Variants in MGST1 observed in about 807,000 individuals in gnomAD.
MGST1 encodes glutathione S-transferase 12.
A neutral mutation model predicts 8.9 loss-of-function variants in MGST1; 5 were observed. The ratio of observed to expected loss-of-function variants is 0.56; its 90% confidence interval spans 0.29 to 1.19. The LOEUF (loss-of-function observed/expected upper bound fraction) is 1.19. Ranked by LOEUF, MGST1 falls within the 50% of genes most tolerant of loss-of-function variation. The probability of loss-of-function intolerance (pLI) is 0.08; values close to 1 mark genes in which losing one functional copy is unlikely to be tolerated. For synonymous variants in MGST1, 54 were observed against 67.8 expected, an observed-to-expected ratio of 0.80 and a Z score of 1.00; for missense variants, 182 against 187.4, an observed-to-expected ratio of 0.97 and a Z score of 0.17.
chr12:16,452,654 G>A (rs1254369382), intron 4 of MGST1, among the ~76,000 whole-genome samples: 1 of 151,826 alleles, frequency 6.6e-6, no homozygotes. Flanking sequence ...TGGCAAGTTT[G>A]GCAGTATTAG....
At chr12:16,402,168 A>G (rs909676077) in intron 1 of MGST1, 1 of 1,568,800 alleles carries the variant, frequency 6.4e-7, no homozygotes, top group Non-Finnish European at 8.8e-7. Context: ...AATTTGTTTC[A>G]AAAACTCCAC....
At chr12:16,565,982 CCATA>C (rs1246394631) in intron 4 of MGST1, among the ~76,000 whole-genome samples, 7 of 44,320 alleles carry the variant, frequency 1.6e-4, no homozygotes, top group Middle Eastern at 0.019. Flanking sequence ...AGAAAATGTG[CCATA>C]TATATATATA....
downstream of MGST1, chr12:16,438,823 T>C (rs759621447): frequency 3.3e-5 from 5 of 151,902 alleles, no homozygotes; most frequent in Non-Finnish European, 7.4e-5. Flanking sequence ...ATGAGCTGGC[T>C]GCACCTACTG....
rs1941868362 is a variant in MGST1, at chr12:16,548,416, A to C, written n.483-41112A>C. On this transcript the variant is annotated intron_variant and non_coding_transcript_variant, in intron 4 of 4. Transcript: ENST00000538857. The surrounding 1 kb of genome is among the most constrained non-coding windows in gnomAD (Gnocchi z 4.2). ...TTAAAAACATAAATCCAAATGTAAA[A>C]AAGTGAATGAAAGAATCCAGCAGAT... 1 of 152,194 alleles carries C rather than the reference A, an allele frequency of 6.6e-6. No homozygotes were observed. The highest frequency in any genetic ancestry group is 1.5e-5 in the Non-Finnish European group (1 of 68,026). 9.4% of individuals were successfully genotyped at this position (152,194 alleles called of 1,614,324 possible).
intron 4 of MGST1, among the ~76,000 whole-genome samples, chr12:16,583,891 G>A (rs567252098): frequency 6.6e-6 from 1 of 152,278 alleles, no homozygotes; most frequent in South Asian, 2.1e-4. Flanking sequence ...GACCAAATTA[G>A]GAGAAAGAGA....
At chr12:16,457,891 G>A (rs1223138613) in intron 4 of MGST1, among the ~76,000 whole-genome samples, 2 of 151,946 alleles carry the variant, frequency 1.3e-5, no homozygotes, top group Non-Finnish European at 2.9e-5. Flanking sequence ...ACAATGTGCT[G>A]CTTAATTGTA....
At chr12:16,369,067 A>C (rs1940243635), downstream of MGST1, among the ~76,000 whole-genome samples, 1 of 152,092 alleles carries the variant, frequency 6.6e-6, no homozygotes, top group African/African-American at 2.4e-5. This position sits in a 1 kb window ranked among gnomAD's most constrained non-coding sequence, Gnocchi z 4.8. Context: ...CTATACCTAT[A>C]TCTTTATAGA....
At chr12:16,392,722 A>G (rs557997863) in intron 1 of MGST1, among the ~76,000 whole-genome samples, 68 of 152,230 alleles carry the variant, frequency 4.5e-4, no homozygotes, top group Middle Eastern at 3.4e-3. Context: ...TCCTGTCTCT[A>G]TATCTCTGTA....
At chr12:16,424,718 A>G (rs188269847) in intron 1 of MGST1, among the ~76,000 whole-genome samples, 2 of 152,280 alleles carry the variant, frequency 1.3e-5, no homozygotes, top group African/African-American at 4.8e-5. Context: ...CACCCATGAA[A>G]GCTAAATCTG....
intron 1 of MGST1, among the ~76,000 whole-genome samples, chr12:16,412,280 G>A (rs1365683792): frequency 6.6e-6 from 1 of 150,722 alleles, no homozygotes; most frequent in Admixed American, 6.7e-5. Context: ...ACCTACCTGA[G>A]AGGGTTGTTT....
chr12:16,554,885 C>T (rs1045741043), intron 4 of MGST1, among the ~76,000 whole-genome samples: 3 of 152,130 alleles, frequency 2.0e-5, no homozygotes, highest in African/African-American at 7.2e-5. Flanking sequence ...GTCTCGATCT[C>T]CCAACCTCGT....
intron 4 of MGST1, among the ~76,000 whole-genome samples, chr12:16,461,044 A>T (rs1054269445): frequency 6.6e-6 from 1 of 152,094 alleles, no homozygotes; most frequent in Admixed American, 6.6e-5. Flanking sequence ...GCACATTAAG[A>T]GTGAGACAAA....
chr12:16,421,623 C>T (rs1203382178), intron 1 of MGST1, among the ~76,000 whole-genome samples: 1 of 152,134 alleles, frequency 6.6e-6, no homozygotes, highest in Non-Finnish European at 1.5e-5. Flanking sequence ...AAGGCTGTTC[C>T]ATCACTCTAT....
chr12:16,410,564 G>A lies in MGST1; in HGVS notation n.779-26824G>A, dbSNP rs1413608167. On this transcript the variant is annotated intron_variant and non_coding_transcript_variant, in intron 1 of 1. Coordinates refer to the MGST1 transcript ENST00000359720. The surrounding 1 kb of genome is among the most constrained non-coding windows in gnomAD (Gnocchi z 4.4). ...TATATATGTTTATACACTATTATATGTACGTAATATATATTTTTACACATA... is the reference window on the plus strand; with the variant it reads ...TATATATGTTTATACACTATTATATATACGTAATATATATTTTTACACATA... Among the ~76,000 whole-genome samples the A allele has an allele frequency of 6.7e-6, 1 of 148,398 alleles. No individual in the cohort carries two copies. Among genetic ancestry groups the A allele is most frequent in the African/African-American group, 2.5e-5 (1 of 40,652 alleles).
chr12:16,483,290 GC>G (rs1284636692), intron 4 of MGST1, among the ~76,000 whole-genome samples: 2 of 151,860 alleles, frequency 1.3e-5, no homozygotes, highest in African/African-American at 4.8e-5. Flanking sequence ...ATCCTGATGT[GC>G]CCTTAATAAT....
chr12:16,568,611 A>T (rs1285531532), intron 4 of MGST1, among the ~76,000 whole-genome samples: 1 of 152,258 alleles, frequency 6.6e-6, no homozygotes, highest in Non-Finnish European at 1.5e-5. Context: ...AAAATATTTC[A>T]TGAATAATTT....
rs1031595184 is a variant in MGST1, at chr12:16,503,091, G to A, written n.483-86437G>A. On this transcript the variant is annotated intron_variant and non_coding_transcript_variant, in intron 4 of 4. Coordinates refer to the MGST1 transcript ENST00000538857. This position sits in a 1 kb window ranked among gnomAD's most constrained non-coding sequence, Gnocchi z 4.8. ...GGAAGATGCAGGGTGAGGTTTCAGC[G>A]GATGGTGTTAAGAATGAAGAAGGAA... is the stretch of plus-strand genomic sequence containing the variant. 2.0e-5 allele frequency among the ~76,000 whole-genome samples: 3 copies of A among 152,096 alleles called. No homozygotes were observed. Among genetic ancestry groups the A allele is most frequent in the South Asian group, 2.1e-4 (1 of 4,810 alleles).
intron 4 of MGST1, among the ~76,000 whole-genome samples, chr12:16,512,993 A>G (rs1941586272): frequency 6.6e-6 from 1 of 152,210 alleles, no homozygotes; most frequent in Admixed American, 6.5e-5. Flanking sequence ...AACCGTCTCT[A>G]GGGACCTCAG....
chr12:16,352,101 A>G (rs1318766121), intron 1 of MGST1, among the ~76,000 whole-genome samples: 1 of 152,236 alleles, frequency 6.6e-6, no homozygotes, highest in East Asian at 1.9e-4. Flanking sequence ...TGGCAGCTTA[A>G]CAACTCTAAT....
Sources: gnomAD v4.1 joint callset for allele counts (sites outside exome capture counted in the v4.1 genomes callset) on GRCh38, gnomAD v4.1.1 for gene constraint, Gnocchi (gnomAD v3.1) non-coding constraint, MANE v1.5 for transcripts, NCBI Gene and HGNC (gene_info 2026-07-23, HGNC 2026-07-21) for gene names.